The following LTBP2 variants were observed in gnomAD, a reference collection of about 807,000 sequenced individuals.
LTBP2 encodes the protein latent-transforming growth factor beta-binding protein 2.
LTBP2 carries 103 observed loss-of-function variants against 210.6 expected under a neutral mutation model. The observed-to-expected ratio is 0.49, with a 90% confidence interval of 0.42 to 0.58. The LOEUF is 0.58. Among genes scored for constraint, LTBP2 ranks in the 20% least tolerant of loss-of-function variants. The pLI is 0.00. For missense variants in LTBP2, 2,313 were observed against 2,494.5 expected (o/e 0.93, Z 1.55); for synonymous variants, 1,007 against 1,015.0 (o/e 0.99, Z 0.15).
intron 8 of LTBP2, among the ~76,000 whole-genome samples, chr14:74,540,833 A>G (rs1413884357): frequency 3.5e-5 from 1 of 28,870 alleles, no homozygotes; most frequent in Non-Finnish European, 1.1e-4. Context: ...TTTATATAAT[A>G]TATATTTATA....
intron 19 of LTBP2, 102 bp from the exon 20 acceptor site, chr14:74,510,315 C>T (rs2087054748): frequency 5.1e-6 from 8 of 1,559,454 alleles, no homozygotes; most frequent in African/African-American, 2.7e-5. Context: ...GGGAACCAGC[C>T]TTCAGAGGGG....
chr14:74,611,659 T>C lies in LTBP2; in HGVS notation c.286A>G (p.Arg96Gly). The change falls in exon 1 of 36, where the codon AGG (arginine) becomes GGG (glycine). Residue 96 changes from arginine to glycine, a missense_variant. By Grantham distance (125) the Arg-to-Gly change is moderately radical. Transcript: ENST00000261978. ...ERAQPGWGSP[R>G]RPTEAEARRP... ...CTGGCCTCCGCCTCGGTGGGCCTCC[T>C]GGGGCTCCCCCAGCCCGGCTGGGCC... The C allele has an allele frequency of 6.4e-7, 1 of 1,558,566 alleles. No homozygotes were observed.
At chr14:74,603,568 A>T in intron 2 of LTBP2, 67 bp downstream of exon 2, 1 of 1,526,330 alleles carries the variant, frequency 6.6e-7, no homozygotes. Flanking sequence ...CTGCCCTGGG[A>T]GTAGGGTGGG....
At chr14:74,584,849 T>C (rs956265919) in intron 3 of LTBP2, among the ~76,000 whole-genome samples, 1 of 152,078 alleles carries the variant, frequency 6.6e-6, no homozygotes, top group African/African-American at 2.4e-5. Context: ...TCAACCTCCT[T>C]TCTTTGCTCT....
chr14:74,536,529 C>A (rs1822905534), intron 8 of LTBP2, among the ~76,000 whole-genome samples: 1 of 152,174 alleles, frequency 6.6e-6, no homozygotes, highest in African/African-American at 2.4e-5. Context: ...AGCCACTTTA[C>A]AATGTATACT....
At position 74,579,135 on chromosome 14, in the gene LTBP2, G is replaced by A. The variant is rs898868460; in HGVS notation, c.830+6719C>T. On this transcript the variant is annotated intron_variant, in intron 3 of 35. Transcript: ENST00000261978. ...GCCTCCCAAAGTGCTGGGATTACAG[G>A]TGTGAGCCACTGCGCCTGGCCCCAG... Among the ~76,000 whole-genome samples, 57 of 152,220 alleles carry A rather than the reference G, an allele frequency of 3.7e-4. 1 individual carries two copies. Among genetic ancestry groups the A allele is most frequent in the African/African-American group, 1.4e-3 (56 of 41,446 alleles).
chr14:74,514,311 A>G (rs2087108233), intron 18 of LTBP2, among the ~76,000 whole-genome samples: 1 of 152,208 alleles, frequency 6.6e-6, no homozygotes, highest in Non-Finnish European at 1.5e-5. Flanking sequence ...TGGCCGACAC[A>G]GCTGGTGCTC....
intron 8 of LTBP2, among the ~76,000 whole-genome samples, chr14:74,549,310 CTGAATGAA>C (rs3080625): frequency 3.3e-5 from 5 of 151,554 alleles, no homozygotes; most frequent in African/African-American, 9.7e-5. Context: ...TGAGTATTTG[CTGAATGAA>C]TGAATGAATG....
chr14:74,514,773 C>T (rs138462397), intron 18 of LTBP2, among the ~76,000 whole-genome samples: 8 of 152,170 alleles, frequency 5.3e-5, no homozygotes, highest in African/African-American at 1.7e-4. Flanking sequence ...GTTTCAGTGG[C>T]GAGAGTGGTT....
At chr14:74,591,021 T>C (rs188454312) in intron 2 of LTBP2, among the ~76,000 whole-genome samples, 1 of 152,304 alleles carries the variant, frequency 6.6e-6, no homozygotes, top group Non-Finnish European at 1.5e-5. Flanking sequence ...AATAAGATCT[T>C]TCACTGTCTA....
chr14:74,508,849 G>T lies in LTBP2; in HGVS notation c.3507C>A (p.Ala1169=). 6.2e-7 allele frequency: 1 copy of T among 1,613,672 alleles called. No homozygotes were observed. Among genetic ancestry groups the T allele is most frequent in the South Asian group, 1.1e-5 (1 of 91,080 alleles). Residue 1169 remains alanine, a synonymous_variant, in exon 23 of 36, where the codon GCC becomes GCA. Coordinates refer to ENST00000261978, the MANE Select transcript of LTBP2 (RefSeq NM_000428.3). Reference sequence around the variant, plus strand: ...ACTCACCCTCACACACGGTGCCATTGGCCAGCTGGAAGCCCTGGGGACAGA... The same window carrying T: ...ACTCACCCTCACACACGGTGCCATTTGCCAGCTGGAAGCCCTGGGGACAGA... The part of the protein sequence containing the change: ...QCLCPQGFQL[A]NGTVCEDVNE...
intron 2 of LTBP2, among the ~76,000 whole-genome samples, chr14:74,596,262 T>TAAATAA (rs71449199): frequency 6.8e-6 from 1 of 147,620 alleles, no homozygotes; most frequent in African/African-American, 2.6e-5. Context: ...AATAAATAAA[T>TAAATAA]AAAAATTAAA....
chr14:74,503,273 G>A lies in LTBP2; in HGVS notation c.4834C>T (p.Gln1612Ter), dbSNP rs201017389. 1 of 1,614,066 alleles carries A rather than the reference G, an allele frequency of 6.2e-7. No individual in the cohort carries two copies. The highest frequency in any genetic ancestry group is 1.7e-5 in the Admixed American group (1 of 60,036). The change falls in exon 33 of 36, where the codon CAG becomes TAG. Residue 1612 changes from glutamine (Q) to a stop codon, truncating the protein, a stop_gained. Coordinates refer to ENST00000261978, the MANE Select transcript of LTBP2 (RefSeq NM_000428.3). LOFTEE classifies it high-confidence loss of function. ...TGCTGGCTCCAGGCCTCGCCGTCCT[G>A]GCAGCAGCATTCCGTGTAGGTGGTG... The part of the protein sequence containing the change: ...HRTTYTECCC[Q>*]DGEAWSQQCA...
chr14:74,560,581 G>A (rs2087781639), intron 3 of LTBP2, among the ~76,000 whole-genome samples: 1 of 152,192 alleles, frequency 6.6e-6, no homozygotes, highest in African/African-American at 2.4e-5. Context: ...TGGGCGAGGA[G>A]CTCTGTGCCC....
intron 7 of LTBP2, 106 bp downstream of exon 7, chr14:74,550,958 C>T (rs2087644829): frequency 1.4e-6 from 2 of 1,427,408 alleles, no homozygotes; most frequent in Non-Finnish European, 2.0e-6. Context: ...TCTGCAGACA[C>T]TCACATTCCA....
intron 7 of LTBP2, 114 bp from the exon 8 acceptor site, chr14:74,550,079 G>A: frequency 1.3e-6 from 1 of 743,744 alleles, no homozygotes; most frequent in Non-Finnish European, 2.4e-6. Context: ...TTCTGCCAGA[G>A]GATGTCCCCA....
chr14:74,531,208 TC>T (rs2087345641), intron 10 of LTBP2, among the ~76,000 whole-genome samples: 1 of 152,132 alleles, frequency 6.6e-6, no homozygotes, highest in African/African-American at 2.4e-5. Context: ...AAGAGAAACT[TC>T]GTGCCACCCC....
intron 18 of LTBP2, among the ~76,000 whole-genome samples, chr14:74,514,096 A>G (rs1442797755): frequency 6.6e-6 from 1 of 152,228 alleles, no homozygotes; most frequent in African/African-American, 2.4e-5. Context: ...AATGAAGCAG[A>G]TTCTATTACC....
At chr14:74,539,626 A>C (rs1056103777) in intron 8 of LTBP2, among the ~76,000 whole-genome samples, 2 of 152,106 alleles carry the variant, frequency 1.3e-5, no homozygotes, top group Non-Finnish European at 2.9e-5. Flanking sequence ...GGATCACTTG[A>C]GCCTGGGAGG....
Sources: gnomAD v4.1 joint callset for allele counts (sites outside exome capture counted in the v4.1 genomes callset) on GRCh38, gnomAD v4.1.1 for gene constraint, MANE v1.5 for transcripts, NCBI Gene and HGNC (gene_info 2026-07-23, HGNC 2026-07-21) for gene names.